The following SLC38A7 variants were observed in gnomAD, a reference collection of about 807,000 sequenced individuals.
The protein encoded by SLC38A7 is solute carrier family 38 member 7, also known as sodium-coupled neutral amino acid transporter 7.
A neutral mutation model predicts 50.1 loss-of-function variants in SLC38A7; 29 were observed. The ratio of observed to expected loss-of-function variants is 0.58; its 90% CI spans 0.43 to 0.79. SLC38A7 has a LOEUF of 0.79. Ranked by LOEUF, SLC38A7 falls within the 30% of genes least tolerant of loss-of-function variation. The pLI, the probability that SLC38A7 is intolerant of heterozygous loss-of-function variation, is 0.00. For missense variants in SLC38A7, 483 were observed against 610.6 expected, an observed-to-expected ratio of 0.79 and a Z score of 2.20; for synonymous variants, 244 against 245.9, an observed-to-expected ratio of 0.99 and a Z score of 0.07.
At chr16:58,670,042 T>G in intron 11 of SLC38A7, 71 bp downstream of exon 11, 1 of 1,409,838 alleles carries the variant, frequency 7.1e-7, no homozygotes, top group Non-Finnish European at 1.0e-6. Flanking sequence ...CTATCTGTTT[T>G]AAGGCCCCCA....
intron 10 of SLC38A7, among the ~76,000 whole-genome samples, chr16:58,670,778 A>G (rs1322783530): frequency 6.6e-6 from 1 of 152,196 alleles, no homozygotes; most frequent in Non-Finnish European, 1.5e-5. Flanking sequence ...GGGATGGAAA[A>G]GGTTACTAGT....
chr16:58,680,494 A>G (rs1026480281), intron 2 of SLC38A7, among the ~76,000 whole-genome samples: 2 of 152,242 alleles, frequency 1.3e-5, no homozygotes, highest in African/African-American at 4.8e-5. Flanking sequence ...CTAACACATC[A>G]GCACTCGATA....
chr16:58,678,388 G>C lies in SLC38A7; in HGVS notation c.556C>G (p.Leu186Val), dbSNP rs1369947402. The change falls in exon 5 of 12, where the codon CTC becomes GTC. Residue 186 changes from leucine (L) to valine (V), a missense_variant. Leu to Val is a conservative substitution (Grantham distance 32). Coordinates refer to ENST00000219320, the MANE Select transcript of SLC38A7 (RefSeq NM_018231.3). This position sits in a 1 kb window ranked among gnomAD's most constrained non-coding sequence, Gnocchi z 4.0. ...RKFTISLTAF[L>V]FILPLSIPRE... ...GGGATGGAGAGGGGCAGGATGAAGA[G>C]GAAGGCAGTGAGGCTGATGGTGAAC... 4 of 1,601,122 alleles carry C rather than the reference G, an allele frequency of 2.5e-6. No individual in the cohort carries two copies. Among genetic ancestry groups the C allele is most frequent in the East Asian group, 4.5e-5 (2 of 44,690 alleles).
intron 2 of SLC38A7, among the ~76,000 whole-genome samples, chr16:58,681,186 C>CA (rs1169206426): frequency 6.6e-6 from 1 of 152,190 alleles, no homozygotes; most frequent in African/African-American, 2.4e-5. Context: ...GTAGACATGA[C>CA]AGTCACCATT....
chr16:58,677,654 A>G, intron 5 of SLC38A7: 1 of 529,222 alleles, frequency 1.9e-6, no homozygotes, highest in Non-Finnish European at 3.4e-6. Context: ...CCTGGCCATC[A>G]GGAAGTGCTG....
chr16:58,673,863 T>TC (rs1002135025), intron 8 of SLC38A7, among the ~76,000 whole-genome samples: 1 of 149,368 alleles, frequency 6.7e-6, no homozygotes, highest in African/African-American at 2.5e-5. Flanking sequence ...TCTCACTTTC[T>TC]CCCCCAGGCT....
At position 58,675,929 on chromosome 16, in the gene SLC38A7, G is replaced by T; in HGVS notation, c.883+11C>A. 1 of 1,578,050 alleles carries T rather than the reference G, an allele frequency of 6.3e-7. No homozygotes were observed. Among genetic ancestry groups the T allele is most frequent in the East Asian group, 2.3e-5 (1 of 44,006 alleles). The stretch of plus-strand genomic sequence containing the variant: ...CTCTAGTCCCAGGTCTTGGGGGGGG[G>T]GAGCACTCACCTGTCCCCATGTAGA... On this transcript the variant is annotated intron_variant, in intron 8 of 11. Coordinates refer to ENST00000219320, the MANE Select transcript of SLC38A7 (RefSeq NM_018231.3).
rs1367999351 is a variant in SLC38A7 at position 58,678,923 on chromosome 16, T to C, written c.271-29A>G. On this transcript the variant is annotated intron_variant, in intron 3 of 11. Transcript: ENST00000219320. This position sits in a 1 kb window ranked among gnomAD's most constrained non-coding sequence, Gnocchi z 4.0. ...CAGGCAGAGGCAGAACAAGAGCTTG[T>C]GGCAAAGGCCTGGCAGCAGAGGGCA... 3.7e-6 allele frequency: 6 copies of C among 1,605,204 alleles called. No homozygotes were observed. The highest frequency in any genetic ancestry group is 5.1e-6 in the Non-Finnish European group (6 of 1,177,946).
In SLC38A7 at chr16:58,678,333, C is replaced by T. The variant is rs1309671050; in HGVS notation, c.611G>A (p.Ser204Asn). Residue 204 changes from serine (S) to asparagine (N), a missense_variant and splice_region_variant, in exon 5 of 12, where the codon AGC (serine) becomes AAC (asparagine). By Grantham distance (46) the Ser-to-Asn change is conservative (BLOSUM62 1). Coordinates refer to ENST00000219320, the MANE Select transcript of SLC38A7 (RefSeq NM_018231.3). This position sits in a 1 kb window ranked among gnomAD's most constrained non-coding sequence, Gnocchi z 4.0. Reference protein sequence around the residue: ...PREIGFQKYASFLSVVGTWYV... With the variant: ...PREIGFQKYANFLSVVGTWYV... ...CTGACCCAGGCTGGGGCCTCCAAAC[C>T]TGGCATATTTCTGGAAACCAATCTC... 2 of 1,552,948 alleles carry T rather than the reference C, an allele frequency of 1.3e-6. No homozygotes were observed. Among genetic ancestry groups the T allele is most frequent in the South Asian group, 2.5e-5 (2 of 79,890 alleles).
intron 9 of SLC38A7, chr16:58,671,581 A>T: frequency 2.7e-6 from 1 of 364,034 alleles, no homozygotes; most frequent in Non-Finnish European, 5.1e-6. Context: ...TGTTTTTTTG[A>T]GACAGGGTCT....
rs572910043 is a variant in SLC38A7 at position 58,675,642 on chromosome 16, A to G, written c.883+298T>C. On this transcript the variant is annotated intron_variant, in intron 8 of 11. Coordinates refer to ENST00000219320, the MANE Select transcript of SLC38A7 (RefSeq NM_018231.3). ...CTCCTGCATGACTGTCTCTCCAACA[A>G]GAATGTCAACTCCATGAGGGCAAGA... Among the ~76,000 whole-genome samples the G allele has an allele frequency of 1.4e-4, 21 of 152,340 alleles. 1 individual carries two copies. In the South Asian group the frequency reaches 4.1e-3, roughly 30 times the overall value.
At chr16:58,669,974 CAA>C (rs113220781) in intron 11 of SLC38A7, 137 bp downstream of exon 11, 113,086 of 588,540 alleles carry the variant, frequency 0.19, 5,522 homozygotes, top group East Asian at 0.24. Flanking sequence ...GACTCCGGCT[CAA>C]AAAAAAAAAA....
At chr16:58,682,314 C>T (rs1448257194) in intron 2 of SLC38A7, among the ~76,000 whole-genome samples, 1 of 152,120 alleles carries the variant, frequency 6.6e-6, no homozygotes, top group Non-Finnish European at 1.5e-5. Context: ...CCAGGGCAGT[C>T]TTCCCCAGAG....
intron 8 of SLC38A7, among the ~76,000 whole-genome samples, chr16:58,673,889 G>A (rs556585003): frequency 6.6e-6 from 1 of 150,736 alleles, no homozygotes; most frequent in African/African-American, 2.4e-5. Flanking sequence ...GCAGCGGCGC[G>A]ATCTTGGCTC....
Position 58,680,116 on chromosome 16 carries a change from A to T in SLC38A7, c.11T>A (p.Val4Asp), listed in dbSNP as rs1156442675. The change falls in exon 3 of 12, where the codon GTC becomes GAC. Residue 4 changes from valine (V) to aspartate (D), a missense_variant. Transcript: ENST00000219320. Reference sequence around the variant, plus strand: ...CTCGCTGTAGTCATTGTTGATGCTGACCTGGGCCATGGCCCCGAGAGCCTT... The same window carrying T: ...CTCGCTGTAGTCATTGTTGATGCTGTCCTGGGCCATGGCCCCGAGAGCCTT... MAQ[V>D]SINNDYSEWD... 6.6e-7 allele frequency: 1 copy of T among 1,525,778 alleles called. No homozygotes were observed. Among genetic ancestry groups the T allele is most frequent in the Admixed American group, 2.1e-5 (1 of 47,464 alleles). 94.5% of individuals were successfully genotyped at this position (1,525,778 alleles called of 1,614,324 possible). A position where few individuals can be genotyped will look rare whatever the true frequency, so the allele number is the denominator to read the frequency against.
chr16:58,676,519 C>T (rs75135583), intron 6 of SLC38A7, among the ~76,000 whole-genome samples, 173 bp from the exon 7 acceptor site: 6,263 of 152,340 alleles, frequency 0.041, 164 homozygotes, highest in South Asian at 0.074. Flanking sequence ...TCCCAGGGCC[C>T]TCTGGGATGG....
Position 58,667,233 on chromosome 16 carries a change from T to C in SLC38A7, c.*152A>G. 1 of 737,954 alleles carries C rather than the reference T, an allele frequency of 1.4e-6. No homozygotes were observed. Among genetic ancestry groups the C allele is most frequent in the Non-Finnish European group, 2.3e-6 (1 of 440,110 alleles). 45.7% of individuals were successfully genotyped at this position (737,954 alleles called of 1,614,324 possible). A position where few individuals can be genotyped will look rare whatever the true frequency, so the allele number is the denominator to read the frequency against. On this transcript the variant is annotated 3_prime_UTR_variant, in exon 12 of 12. Transcript: ENST00000219320. Reference sequence around the variant, plus strand: ...ACTGGATTTGAGCTGTCCAGAGGTGTGGGGCCTGAGTTTGCCCCAGTCCCT... The same window carrying C: ...ACTGGATTTGAGCTGTCCAGAGGTGCGGGGCCTGAGTTTGCCCCAGTCCCT...
In SLC38A7 at chr16:58,672,170, C is replaced by T. The variant is rs1185515734; in HGVS notation, c.957G>A (p.Met319Ile). The T allele has an allele frequency of 1.3e-6, 2 of 1,569,542 alleles. No individual in the cohort carries two copies. The highest frequency in any genetic ancestry group is 1.4e-5 in the African/African-American group (1 of 73,874). The change falls in exon 9 of 12, where the codon ATG (methionine) becomes ATA (isoleucine). Residue 319 changes from methionine to isoleucine, a missense_variant. Met to Ile is a conservative substitution (Grantham distance 10, BLOSUM62 1). Transcript: ENST00000219320. The stretch of plus-strand genomic sequence containing the variant: ...TGAAGGCTCGGGCAACGGCCACGGC[C>T]ATGTCCTCCGAGGGATAGGACAGGA... ...DVLLSYPSED[M>I]AVAVARAFII...
intron 2 of SLC38A7, among the ~76,000 whole-genome samples, chr16:58,680,479 G>C (rs1476542695): frequency 1.3e-5 from 2 of 152,210 alleles, no homozygotes; most frequent in Non-Finnish European, 2.9e-5. Context: ...AACATAAAAT[G>C]GGTACTAACA....
Sources: allele counts gnomAD v4.1 joint callset (sites outside exome capture counted in the v4.1 genomes callset), GRCh38; gene constraint gnomAD v4.1.1; non-coding constraint Gnocchi (gnomAD v3.1); transcripts MANE v1.5; gene names NCBI Gene and HGNC (gene_info 2026-07-23, HGNC 2026-07-21).